The following ADGRG2 variants were observed in gnomAD, a reference collection of about 807,000 sequenced individuals.
The protein encoded by ADGRG2 is adhesion G protein-coupled receptor G2, also known as G protein-coupled receptor 64.
In ADGRG2, 26 loss-of-function variants were observed where a neutral mutation model predicts 74.1. The observed-to-expected ratio is 0.35, with a 90% CI of 0.26 to 0.49. ADGRG2 has a LOEUF of 0.49. Among genes scored for constraint, ADGRG2 ranks in the 20% least tolerant of loss-of-function variants. ADGRG2 has a pLI of 0.99. For synonymous variants in ADGRG2, 296 were observed against 295.2 expected, an observed-to-expected ratio of 1.00 and a Z score of -0.03; for missense variants, 619 against 763.1, an observed-to-expected ratio of 0.81 and a Z score of 2.22.
intron 28 of ADGRG2, among the ~76,000 whole-genome samples, chrX:18,992,568 G>A (rs1450470363): frequency 8.9e-6 from 1 of 112,455 alleles, no homozygotes; most frequent in African/African-American, 3.2e-5. Flanking sequence ...TGGGATTACA[G>A]GTGTGAGCCA....
intron 3 of ADGRG2, among the ~76,000 whole-genome samples, chrX:19,053,662 G>C (rs1291975819): frequency 2.7e-5 from 3 of 112,379 alleles, no homozygotes; most frequent in Non-Finnish European, 5.6e-5. Context: ...TACTGTTAAA[G>C]TATTGAGAAG....
At chrX:19,055,186 C>A (rs1392176790) in intron 3 of ADGRG2, among the ~76,000 whole-genome samples, 2 of 112,144 alleles carry the variant, frequency 1.8e-5, no homozygotes, top group Non-Finnish European at 3.8e-5. Flanking sequence ...TTTATAGAGA[C>A]TGCTTAACCA....
rs756428637 is a variant in ADGRG2, at chrX:18,996,785, G to T, written c.2615-633C>A. ...CCACTCAGGTGCCCAGTCAAGGCAG[G>T]CCAGGGCTCCCCAGCCAGCCCCATG... On this transcript the variant is annotated intron_variant, in intron 26 of 28. Transcript: ENST00000379869. 2.7e-5 allele frequency among the ~76,000 whole-genome samples: 3 copies of T among 111,425 alleles called. No homozygotes were observed. In the South Asian group the frequency reaches 1.1e-3, roughly 42 times the overall value.
chrX:19,006,085 C>G lies in ADGRG2; in HGVS notation c.1756G>C (p.Asp586His), dbSNP rs1311565405. 8.3e-7 allele frequency: 1 copy of G among 1,205,487 alleles called. No individual in the cohort carries two copies. The change falls in exon 22 of 29, where the codon GAC (aspartate) becomes CAC (histidine). Residue 586 changes from aspartate to histidine, a missense_variant. Around this residue, in one of 3 missense-constraint regions of ADGRG2, gnomAD observed 221 missense variants for 340.6 expected, o/e 0.65. Coordinates refer to ENST00000379869, the MANE Select transcript of ADGRG2 (RefSeq NM_001079858.3). ...GRNGGRGGWS[D>H]NGCSVKDRRL... The stretch of plus-strand genomic sequence containing the variant: ...CTGTCTTTGACAGAGCAGCCATTGT[C>G]TGACCAGCCTCCTCTGCCACCTGTT...
intron 17 of ADGRG2, 118 bp from the exon 18 acceptor site, chrX:19,009,900 T>A: frequency 7.7e-6 from 4 of 516,981 alleles, no homozygotes; most frequent in Non-Finnish European, 1.3e-5. Context: ...AACCTCTGCC[T>A]CCTGGGTTCA....
At chrX:19,098,713 G>T (rs12395191) in intron 1 of ADGRG2, among the ~76,000 whole-genome samples, 9,254 of 111,143 alleles carry the variant, frequency 0.083, 353 homozygotes, top group African/African-American at 0.13. Flanking sequence ...GAGGTGTCCT[G>T]TGACACCATC....
intron 1 of ADGRG2, among the ~76,000 whole-genome samples, chrX:19,093,399 G>A (rs762998967): frequency 9.0e-6 from 1 of 111,715 alleles, no homozygotes; most frequent in East Asian, 2.8e-4. Context: ...ACAAGGAGAG[G>A]ATAAAGGGGA....
rs762979628 is a variant in ADGRG2, at chrX:18,999,951, G to A, written c.2240C>T (p.Ala747Val). Reference sequence around the variant, plus strand: ...AGTCAGGATGATGGTCACAACCACAGCTGGTACCCCTGGAAGATGGGAAAC... The same window carrying A: ...AGTCAGGATGATGGTCACAACCACAACTGGTACCCCTGGAAGATGGGAAAC... The part of the protein sequence containing the change: ...KFCIVGWGVP[A>V]VVVTIILTIS... Residue 747 changes from alanine (A) to valine (V), a missense_variant, in exon 25 of 29, where the codon GCT becomes GTT. Around this residue, in one of 3 missense-constraint regions of ADGRG2, gnomAD observed 221 missense variants for 340.6 expected, o/e 0.65. Coordinates refer to ENST00000379869, the MANE Select transcript of ADGRG2 (RefSeq NM_001079858.3). The A allele has an allele frequency of 5.0e-5, 57 of 1,137,752 alleles. No individual in the cohort carries two copies. The highest frequency in any genetic ancestry group is 6.6e-5 in the Non-Finnish European group (55 of 832,392). The allele number at this position is 1,137,752 out of a possible 1,213,427, so 93.8% of individuals were successfully genotyped here.
At chrX:19,086,495 A>C (rs1487637393) in intron 1 of ADGRG2, among the ~76,000 whole-genome samples, 1 of 111,516 alleles carries the variant, frequency 9.0e-6, no homozygotes, top group African/African-American at 3.3e-5. Flanking sequence ...ATAAATTTTA[A>C]AAAAGGCAGG....
intron 14 of ADGRG2, 27 bp from the exon 15 acceptor site, chrX:19,019,692 A>G: frequency 1.1e-6 from 1 of 905,253 alleles, no homozygotes; most frequent in Non-Finnish European, 1.6e-6. Context: ...GAAAAGGAGT[A>G]AGAAAAATGC....
intron 2 of ADGRG2, among the ~76,000 whole-genome samples, chrX:19,079,225 A>C (rs1372104770): frequency 8.9e-6 from 1 of 111,804 alleles, no homozygotes; most frequent in Non-Finnish European, 1.9e-5. Context: ...AATCGCACAG[A>C]AACTCAAGAA....
At chrX:19,014,386 C>T (rs1408797031) in intron 15 of ADGRG2, among the ~76,000 whole-genome samples, 3 of 111,563 alleles carry the variant, frequency 2.7e-5, no homozygotes, top group African/African-American at 9.8e-5. Flanking sequence ...TCTCTGTGCT[C>T]CCGGGTGAGG....
At chrX:19,015,053 G>A (rs1254500944) in intron 15 of ADGRG2, among the ~76,000 whole-genome samples, 1 of 111,813 alleles carries the variant, frequency 8.9e-6, no homozygotes, top group African/African-American at 3.3e-5. Context: ...ATTTTCATGG[G>A]CATCAAAGGT....
chrX:19,006,211 GGAACTT>G lies in ADGRG2; in HGVS notation c.1735+3_1735+8del. The G allele has an allele frequency of 1.7e-6, 2 of 1,174,026 alleles. No individual in the cohort carries two copies. Among genetic ancestry groups the G allele is most frequent in the Non-Finnish European group, 2.3e-6 (2 of 862,211 alleles). ...TCAAGAGTTTGAAAAGGTTATGACT[GGAACTT>G]ACCATTTCTGCCCAAGTCCCAAAAT... On this transcript the variant is annotated splice_donor_5th_base_variant and intron_variant, in intron 21 of 28. Coordinates refer to ENST00000379869, the MANE Select transcript of ADGRG2 (RefSeq NM_001079858.3).
chrX:19,046,842 G>C (rs1314902542), intron 3 of ADGRG2, among the ~76,000 whole-genome samples: 3 of 111,527 alleles, frequency 2.7e-5, no homozygotes, highest in Non-Finnish European at 5.7e-5. Flanking sequence ...GCCAAACCGA[G>C]AGAGGGGGAG....
chrX:19,056,666 T>A (rs1376424446), intron 3 of ADGRG2, among the ~76,000 whole-genome samples: 1 of 112,243 alleles, frequency 8.9e-6, no homozygotes, highest in African/African-American at 3.2e-5. Flanking sequence ...CAGAAAATCC[T>A]TAGCCAGCCT....
At chrX:19,084,869 TC>T (rs1209258592) in intron 1 of ADGRG2, among the ~76,000 whole-genome samples, 1 of 112,431 alleles carries the variant, frequency 8.9e-6, no homozygotes, top group Non-Finnish European at 1.9e-5. Flanking sequence ...CATTTGTTTT[TC>T]CCAGTGGATG....
chrX:19,014,600 A>C (rs1306297222), intron 15 of ADGRG2, among the ~76,000 whole-genome samples: 2 of 111,685 alleles, frequency 1.8e-5, no homozygotes, highest in Non-Finnish European at 3.8e-5. Context: ...CCTTTAGCTC[A>C]GTGGTTCTCA....
At chrX:18,992,058 G>A (rs1025046837) in intron 28 of ADGRG2, among the ~76,000 whole-genome samples, 6 of 111,365 alleles carry the variant, frequency 5.4e-5, no homozygotes, top group Non-Finnish European at 1.1e-4. Flanking sequence ...GTGGTCCTGG[G>A]TACCAAATGA....
Sources: allele counts gnomAD v4.1 joint callset (sites outside exome capture counted in the v4.1 genomes callset), GRCh38; gene constraint gnomAD v4.1.1; regional missense constraint gnomAD v4.1.1; transcripts MANE v1.5; gene names NCBI Gene and HGNC (gene_info 2026-07-23, HGNC 2026-07-21).